MAPKBP1: variants seen among roughly 807,000 people sequenced by gnomAD.
MAPKBP1 encodes mitogen-activated protein kinase-binding protein 1.
MAPKBP1 carries 71 observed loss-of-function variants against 170.5 expected under a neutral mutation model. That is an observed-to-expected ratio of 0.42 (90% CI 0.34 to 0.51). The LOEUF is 0.51. Ranked by LOEUF, MAPKBP1 falls within the 20% of genes least tolerant of loss-of-function variation. MAPKBP1 has a pLI of 0.06. For synonymous variants in MAPKBP1, 719 were observed against 757.9 expected (o/e 0.95, Z 0.84); for missense variants, 1,598 against 1,933.0 (o/e 0.83, Z 3.25).
At chr15:41,819,434 A>T (rs766853681) in intron 21 of MAPKBP1, 55 bp downstream of exon 21, 947 of 1,605,242 alleles carry the variant, frequency 5.9e-4, no homozygotes, top group Non-Finnish European at 7.7e-4. Context: ...TAATGGCTAG[A>T]TATGGTTTTT....
chr15:41,785,249 C>A (rs1407300640), intron 2 of MAPKBP1, among the ~76,000 whole-genome samples: 2 of 152,128 alleles, frequency 1.3e-5, no homozygotes, highest in Admixed American at 6.5e-5. Context: ...TTTTAATCAG[C>A]CTTTCTGCAT....
At chr15:41,796,219 G>T (rs2064486024) in intron 2 of MAPKBP1, among the ~76,000 whole-genome samples, 1 of 152,178 alleles carries the variant, frequency 6.6e-6, no homozygotes. Context: ...TCTTGAGTTG[G>T]TGCAAGCCAG....
chr15:41,793,671 A>G lies in MAPKBP1; in HGVS notation c.115-6152A>G, dbSNP rs558471158. On this transcript the variant is annotated intron_variant, in intron 2 of 30. Transcript: ENST00000457542. ...GACTGTGAAGAGTTCCCAAGACCAA[A>G]AGGTCTGAGAATCTCTGGGCTAGGT... 2.6e-5 allele frequency among the ~76,000 whole-genome samples: 4 copies of G among 152,272 alleles called. No individual in the cohort carries two copies. The East Asian group carries it at 7.7e-4, about 29-fold the overall frequency.
At chr15:41,789,477 T>C (rs962729366) in intron 2 of MAPKBP1, among the ~76,000 whole-genome samples, 2 of 152,178 alleles carry the variant, frequency 1.3e-5, no homozygotes, top group African/African-American at 4.8e-5. Flanking sequence ...GTACTATTAA[T>C]ATAACTGGGT....
chr15:41,781,407 T>TC (rs1172747771), intron 2 of MAPKBP1, among the ~76,000 whole-genome samples: 4 of 115,150 alleles, frequency 3.5e-5, no homozygotes, highest in Admixed American at 2.0e-4. Context: ...TTGTTTTTTT[T>TC]TTTTTCTTGC....
chr15:41,811,120 G>A (rs2064797378), intron 4 of MAPKBP1, 58 bp from the exon 5 acceptor site: 1 of 1,598,952 alleles, frequency 6.3e-7, no homozygotes, highest in African/African-American at 1.3e-5. Context: ...AGGCTGGGAG[G>A]GGGCTAGGCT....
At chr15:41,774,707 G>A (rs2064065773) in intron 1 of MAPKBP1, 97 bp downstream of exon 1, 6 of 398,914 alleles carry the variant, frequency 1.5e-5, no homozygotes, top group Middle Eastern at 1.3e-3. Context: ...GGCGGAGAGC[G>A]AGCTCTGGAG....
chr15:41,810,834 G>T lies in MAPKBP1; in HGVS notation c.207-49G>T. 2.5e-6 allele frequency: 4 copies of T among 1,577,958 alleles called. No individual in the cohort carries two copies. The South Asian group carries it at 3.3e-5, about 13-fold the overall frequency. On this transcript the variant is annotated intron_variant, in intron 3 of 30. Transcript: ENST00000457542. Reference sequence around the variant, plus strand: ...GTCCTGGGTGGCCTGGAGGGCTCCTGGGGGAGCTGTGGTTTGCTGCTGAGC... The same window carrying T: ...GTCCTGGGTGGCCTGGAGGGCTCCTTGGGGAGCTGTGGTTTGCTGCTGAGC...
chr15:41,816,715 C>T, intron 13 of MAPKBP1, 65 bp downstream of exon 13: 1 of 1,519,960 alleles, frequency 6.6e-7, no homozygotes, highest in Non-Finnish European at 9.1e-7. Context: ...TATATCTGTC[C>T]CGGCTCTTGG....
Position 41,823,586 on chromosome 15 carries a change from C to T in MAPKBP1, c.3738C>T (p.Thr1246=). 1 of 1,614,200 alleles carries T rather than the reference C, an allele frequency of 6.2e-7. No homozygotes were observed. The highest frequency in any genetic ancestry group is 8.5e-7 in the Non-Finnish European group (1 of 1,180,034). Residue 1246 remains threonine, a synonymous_variant, in exon 29 of 31, where the codon ACC becomes ACT. Transcript: ENST00000457542. The stretch of plus-strand genomic sequence containing the variant: ...CTCACTCCTATCAGAACCCCACCAC[C>T]AGTTCCATGGCCAAGATATCCCGCA... ...SRPHSYQNPT[T]SSMAKISRSI... is the part of the protein sequence containing the mutation.
intron 2 of MAPKBP1, among the ~76,000 whole-genome samples, chr15:41,777,280 GCAGTGAGCTCAGATCCTGC>G (rs1172186541): frequency 1.3e-4 from 19 of 151,662 alleles, no homozygotes; most frequent in African/African-American, 4.4e-4. Flanking sequence ...GGCTGAGGTT[GCAGTGAGCTCAGATCCTGC>G]CAGTGCACTC....
At position 41,825,900 on chromosome 15, in the gene MAPKBP1, C is replaced by G. The variant is rs1409645282; in HGVS notation, c.*464C>G. ...TGGGCCTTCACCTCTACCTGCACTT[C>G]CCCTCTCACACCAGCTGCACTCCCG... On this transcript the variant is annotated 3_prime_UTR_variant, in exon 31 of 31. Coordinates refer to ENST00000457542, the MANE Select transcript of MAPKBP1 (RefSeq NM_014994.3). 6.5e-6 allele frequency: 1 copy of G among 153,744 alleles called. No homozygotes were observed. The highest frequency in any genetic ancestry group is 1.5e-5 in the Non-Finnish European group (1 of 68,858). 9.5% of individuals were successfully genotyped at this position (153,744 alleles called of 1,614,324 possible). A position where few individuals can be genotyped will look rare whatever the true frequency, so the allele number is the denominator to read the frequency against.
At chr15:41,791,612 T>C (rs899334188) in intron 2 of MAPKBP1, among the ~76,000 whole-genome samples, 1 of 152,222 alleles carries the variant, frequency 6.6e-6, no homozygotes, top group Non-Finnish European at 1.5e-5. Context: ...TAGGATTGTA[T>C]GTTTAGGGCT....
Position 41,820,881 on chromosome 15 carries a change from G to C in MAPKBP1, c.2531G>C (p.Gly844Ala), listed in dbSNP as rs1238412931. The change falls in exon 23 of 31, where the codon GGA becomes GCA. Residue 844 changes from glycine to alanine, a missense_variant. Physicochemically the swap from Gly to Ala is moderately conservative, Grantham distance 60. Transcript: ENST00000457542. ...GACCCAGCTCCTGCAGCCAACCCAGGACCCAGAAGAAGAGGGCGCTGGGTT... is the reference window on the plus strand; with the variant it reads ...GACCCAGCTCCTGCAGCCAACCCAGCACCCAGAAGAAGAGGGCGCTGGGTT... ...FLDPAPAANP[G>A]PRRRGRWVQP... The C allele has an allele frequency of 2.5e-6, 4 of 1,614,070 alleles. No individual in the cohort carries two copies. Among genetic ancestry groups the C allele is most frequent in the Non-Finnish European group, 2.5e-6 (3 of 1,179,990 alleles).
rs748941935 is a variant in MAPKBP1 at position 41,823,074 on chromosome 15, C to T, written c.3450C>T (p.Gly1150=). The T allele has an allele frequency of 4.3e-6, 7 of 1,613,748 alleles. No homozygotes were observed. The South Asian group carries it at 7.7e-5, about 18-fold the overall frequency. The change falls in exon 28 of 31, where the codon GGC becomes GGT. Residue 1150 remains glycine, a synonymous_variant. Transcript: ENST00000457542. ...CCCCGGAGGTGGAACCGTCCTCTGG[C>T]AACCCCAGCCCCCAGCAGGCAGCCT... is the stretch of plus-strand genomic sequence containing the variant. ...GAPPEVEPSS[G]NPSPQQAASV...
chr15:41,816,731 G>C, intron 13 of MAPKBP1, 81 bp downstream of exon 13: 1 of 1,472,544 alleles, frequency 6.8e-7, no homozygotes, highest in Non-Finnish European at 9.5e-7. Flanking sequence ...CTTGGACGTG[G>C]GGTCGGTAAT....
In MAPKBP1 at chr15:41,815,249, G is replaced by T. The variant is rs774793622; in HGVS notation, c.1171-10G>T. The T allele has an allele frequency of 1.4e-5, 22 of 1,613,954 alleles. No individual in the cohort carries two copies. The Admixed American group carries it at 1.5e-4, about 11-fold the overall frequency. On this transcript the variant is annotated splice_polypyrimidine_tract_variant and intron_variant, in intron 10 of 30. Transcript: ENST00000457542. ...ATGGAGGTCTGATTGTGTTCCCTCG[G>T]CCTCTTCAGGTCTACCCCGAGGTGA...
At position 41,817,957 on chromosome 15, in the gene MAPKBP1, C is replaced by T. The variant is rs1321417609; in HGVS notation, c.1905-52C>T. 11 of 1,579,902 alleles carry T rather than the reference C, an allele frequency of 7.0e-6. No individual in the cohort carries two copies. The highest frequency in any genetic ancestry group is 3.3e-5 in the Admixed American group (2 of 59,960). On this transcript the variant is annotated intron_variant, in intron 16 of 30. Transcript: ENST00000457542. The surrounding 1 kb of genome is among the most constrained non-coding windows in gnomAD (Gnocchi z 4.2). ...AAAGCTGGCATTTCCATCCCCCAGG[C>T]GTGTTCCACCTTCACCGCCTCCTCA... is the stretch of plus-strand genomic sequence containing the variant.
intron 21 of MAPKBP1, 77 bp from the exon 22 acceptor site, chr15:41,819,518 G>A (rs1457922366): frequency 1.3e-6 from 2 of 1,569,888 alleles, no homozygotes; most frequent in Admixed American, 1.7e-5. Flanking sequence ...GGTATGGGCT[G>A]ATGGGGCCAG....
Sources: gnomAD v4.1 joint callset for allele counts (sites outside exome capture counted in the v4.1 genomes callset) on GRCh38, gnomAD v4.1.1 for gene constraint, Gnocchi (gnomAD v3.1) non-coding constraint, MANE v1.5 for transcripts, NCBI Gene and HGNC (gene_info 2026-07-23, HGNC 2026-07-21) for gene names.